Variants in FHOD3 observed in about 807,000 individuals in gnomAD.
FHOD3 encodes the protein formin homology 2 domain containing 3.
FHOD3 carries 90 observed loss-of-function variants against 173.0 expected under a neutral mutation model. The observed-to-expected ratio is 0.52, with a 90% CI of 0.44 to 0.62. The LOEUF is 0.62. FHOD3 is among the 20% of genes least tolerant of loss of function. The pLI, the probability that FHOD3 is intolerant of heterozygous loss-of-function variation, is 0.00. For missense variants in FHOD3, 1,945 were observed against 2,034.7 expected (o/e 0.96, Z 0.85); for synonymous variants, 828 against 823.0 (o/e 1.01, Z -0.10).
intron 3 of FHOD3, among the ~76,000 whole-genome samples, chr18:36,374,988 T>C (rs1350600442): frequency 1.3e-5 from 2 of 152,258 alleles, no homozygotes; most frequent in Non-Finnish European, 2.9e-5. Context: ...GTTTTTCCTT[T>C]GTATTAAAAG....
intron 24 of FHOD3, among the ~76,000 whole-genome samples, chr18:36,750,498 C>A (rs770472221): frequency 9.2e-5 from 14 of 152,190 alleles, no homozygotes; most frequent in Non-Finnish European, 1.9e-4. Context: ...AATTAGATCC[C>A]ATTTGTCAAT....
At chr18:36,522,693 T>C (rs375993359) in intron 5 of FHOD3, among the ~76,000 whole-genome samples, 4 of 152,144 alleles carry the variant, frequency 2.6e-5, no homozygotes, top group African/African-American at 9.7e-5. Context: ...CAACAAATAG[T>C]TGAGGAAGAC....
intron 3 of FHOD3, among the ~76,000 whole-genome samples, chr18:36,379,574 A>G (rs1487508326): frequency 1.3e-5 from 2 of 152,188 alleles, no homozygotes; most frequent in East Asian, 3.8e-4. Context: ...GATAATGGAG[A>G]ATGAAGTCCC....
intron 17 of FHOD3, among the ~76,000 whole-genome samples, chr18:36,694,880 T>A (rs1346330867): frequency 1.3e-5 from 2 of 152,202 alleles, no homozygotes; most frequent in African/African-American, 4.8e-5. Context: ...ACGTATTTGA[T>A]TGAATTACAG....
At position 36,610,926 on chromosome 18, in the gene FHOD3, G is replaced by A. The variant is rs12954583; in HGVS notation, c.814-1026G>A. On this transcript the variant is annotated intron_variant, in intron 8 of 28. Transcript: ENST00000590592. ...TCAGTCGCTTCCTGTTGCCTCAGGC[G>A]TTTATCCTTCTCTCCCTCCTGTATA... Among the ~76,000 whole-genome samples, 721 of 152,290 alleles carry A rather than the reference G, an allele frequency of 4.7e-3. 5 individuals carry two copies. Among genetic ancestry groups the A allele is most frequent in the Non-Finnish European group, 7.0e-3 (479 of 68,024 alleles).
At chr18:36,336,078 G>C (rs187684686) in intron 1 of FHOD3, among the ~76,000 whole-genome samples, 52 of 152,260 alleles carry the variant, frequency 3.4e-4, no homozygotes, top group African/African-American at 1.2e-3. Context: ...ATCAACATCT[G>C]GGAAGGATTA....
intron 5 of FHOD3, among the ~76,000 whole-genome samples, chr18:36,518,101 A>T (rs960965459): frequency 2.0e-5 from 3 of 152,234 alleles, no homozygotes; most frequent in Non-Finnish European, 4.4e-5. Context: ...ATATTTTGGC[A>T]CTTTATAAAA....
Position 36,513,181 on chromosome 18 carries a change from T to TAAA in FHOD3, c.511+650_511+652dup, listed in dbSNP as rs59461055. Among the ~76,000 whole-genome samples the TAAA allele has an allele frequency of 4.2e-3, 600 of 141,876 alleles. 2 individuals carry two copies. The highest frequency in any genetic ancestry group is 0.011 in the African/African-American group (424 of 38,162). The allele number at this position is 141,876 out of a possible 152,430, so 93.1% of individuals were successfully genotyped here. A position where few individuals can be genotyped will look rare whatever the true frequency, so the allele number is the denominator to read the frequency against. ...TTCATATAAATTTCATTTGATCCTG[T>TAAA]AAAAAAAAAAAAAACAAATAACAAA... On this transcript the variant is annotated intron_variant, in intron 5 of 28. Coordinates refer to ENST00000590592, the MANE Select transcript of FHOD3 (RefSeq NM_001281740.3).
intron 14 of FHOD3, among the ~76,000 whole-genome samples, chr18:36,661,673 T>A (rs189278973): frequency 6.6e-6 from 1 of 152,310 alleles, no homozygotes; most frequent in Non-Finnish European, 1.5e-5. Flanking sequence ...GCTTGGAGTT[T>A]TCCATTTCTT....
intron 24 of FHOD3, among the ~76,000 whole-genome samples, chr18:36,749,732 C>T (rs1409701361): frequency 2.6e-5 from 4 of 152,128 alleles, no homozygotes; most frequent in African/African-American, 7.2e-5. Context: ...GGAAGTTCTG[C>T]TTTTAGCTCT....
rs184319292 is a variant in FHOD3, at chr18:36,587,996, G to A, written c.607-6791G>A. ...CCCTGAGGCTGGACCACATGGGTTC[G>A]GTGCTCATGACTTCCTGTTCTGGTG... is the stretch of plus-strand genomic sequence containing the variant. On this transcript the variant is annotated intron_variant, in intron 6 of 28. Coordinates refer to ENST00000590592, the MANE Select transcript of FHOD3 (RefSeq NM_001281740.3). Among the ~76,000 whole-genome samples the A allele has an allele frequency of 5.3e-5, 8 of 152,308 alleles. No homozygotes were observed. The East Asian group carries it at 9.6e-4, about 18-fold the overall frequency.
chr18:36,740,245 A>C (rs1372051360), intron 20 of FHOD3, among the ~76,000 whole-genome samples: 1 of 152,248 alleles, frequency 6.6e-6, no homozygotes, highest in African/African-American at 2.4e-5. Context: ...GTTTTGAAAT[A>C]CAGTTAAAAT....
rs1033029900 is a variant in FHOD3 at position 36,693,041 on chromosome 18, A to G, written c.2022-168A>G. On this transcript the variant is annotated intron_variant, in intron 16 of 28. Coordinates refer to ENST00000590592, the MANE Select transcript of FHOD3 (RefSeq NM_001281740.3). ...TGACGTGGGATTTTTAATCATTAGC[A>G]TCTTGGCTTTGCTGGGTGTTTTTGG... 6 of 647,944 alleles carry G rather than the reference A, an allele frequency of 9.3e-6. No individual in the cohort carries two copies. In the Admixed American group the frequency reaches 1.1e-4, roughly 12 times the overall value. The allele number at this position is 647,944 out of a possible 1,614,324, so 40.1% of individuals were successfully genotyped here. A position where few individuals can be genotyped will look rare whatever the true frequency, so the allele number is the denominator to read the frequency against.
chr18:36,644,171 C>A (rs2035524502), intron 10 of FHOD3, among the ~76,000 whole-genome samples: 1 of 152,130 alleles, frequency 6.6e-6, no homozygotes. Context: ...CAGGCCTGGG[C>A]CCTGGAGTAA....
chr18:36,709,243 G>A lies in FHOD3; in HGVS notation c.2385G>A (p.Pro795=), dbSNP rs769632583. The A allele has an allele frequency of 1.5e-5, 24 of 1,614,074 alleles. No individual in the cohort carries two copies. The highest frequency in any genetic ancestry group is 1.1e-4 in the East Asian group (5 of 44,888). The stretch of plus-strand genomic sequence containing the variant: ...TGGAGCAGGCACTAGAGCAAGAGCC[G>A]GAAGAAAGAGCCTCCCTCAGTGAAA... ...TEVEQALEQE[P]EERASLSEKE... Residue 795 remains proline (P), a synonymous_variant, in exon 18 of 29, where the codon CCG becomes CCA. Coordinates refer to ENST00000590592, the MANE Select transcript of FHOD3 (RefSeq NM_001281740.3).
intron 13 of FHOD3, among the ~76,000 whole-genome samples, chr18:36,656,204 C>G (rs1212699201): frequency 6.6e-6 from 1 of 152,188 alleles, no homozygotes; most frequent in Non-Finnish European, 1.5e-5. Flanking sequence ...TCTCCCTTCT[C>G]TATTTCTGCC....
intron 5 of FHOD3, among the ~76,000 whole-genome samples, chr18:36,533,821 A>G (rs1169309565): frequency 6.6e-6 from 1 of 152,196 alleles, no homozygotes; most frequent in African/African-American, 2.4e-5. Context: ...GGAGTAGGGA[A>G]GGAGAAAATG....
intron 3 of FHOD3, among the ~76,000 whole-genome samples, chr18:36,421,483 A>T (rs1599048997): frequency 1.3e-5 from 2 of 152,310 alleles, no homozygotes; most frequent in South Asian, 4.1e-4. Flanking sequence ...CTAAAACAAA[A>T]CTGAGATTGC....
intron 5 of FHOD3, among the ~76,000 whole-genome samples, chr18:36,571,312 T>C (rs1016437703): frequency 2.6e-5 from 4 of 152,166 alleles, no homozygotes; most frequent in African/African-American, 9.7e-5. Flanking sequence ...TGGCAAAAAA[T>C]ACCATCCCAA....
Sources: gnomAD v4.1 joint callset for allele counts (sites outside exome capture counted in the v4.1 genomes callset) on GRCh38, gnomAD v4.1.1 for gene constraint, MANE v1.5 for transcripts, NCBI Gene and HGNC (gene_info 2026-07-23, HGNC 2026-07-21) for gene names.